The following FER1L6 variants were observed in gnomAD, a reference collection of about 807,000 sequenced individuals.
FER1L6 encodes fer-1-like protein 6.
A neutral mutation model predicts 219.2 loss-of-function variants in FER1L6; 177 were observed. The ratio of observed to expected loss-of-function variants is 0.81; its 90% CI spans 0.71 to 0.91. FER1L6 has a LOEUF of 0.91. Ranked by LOEUF, FER1L6 falls within the 40% of genes least tolerant of loss-of-function variation. FER1L6 has a pLI of 0.00. For missense variants in FER1L6, 2,153 were observed against 2,259.9 expected, an observed-to-expected ratio of 0.95 and a Z score of 0.96; for synonymous variants, 768 against 824.3, an observed-to-expected ratio of 0.93 and a Z score of 1.17.
intron 20 of FER1L6, among the ~76,000 whole-genome samples, chr8:124,044,755 T>C (rs1260574329): frequency 1.3e-5 from 2 of 152,222 alleles, no homozygotes; most frequent in Non-Finnish European, 2.9e-5. Context: ...CAGAGTCCAC[T>C]TGCCCCGCAA....
intron 1 of FER1L6, among the ~76,000 whole-genome samples, chr8:123,949,610 T>C (rs1041041471): frequency 4.6e-5 from 7 of 152,210 alleles, no homozygotes; most frequent in African/African-American, 7.2e-5. Context: ...AGAGTCCAGA[T>C]TGATTTTCAA....
Position 123,986,100 on chromosome 8 carries a change from C to T in FER1L6, c.1443C>T (p.Leu481=). The change falls in exon 12 of 41, where the codon CTC becomes CTT. Residue 481 remains leucine (L), a synonymous_variant. Coordinates refer to ENST00000522917, the MANE Select transcript of FER1L6 (RefSeq NM_001039112.2). ...IVPEKNEEFL[L]FGAFFEATMI... is the part of the protein sequence containing the mutation. Reference sequence around the variant, plus strand: ...CAGAAAAAAATGAGGAATTTTTACTCTTTGGAGCATTTTTTGAAGCTACCA... The same window carrying T: ...CAGAAAAAAATGAGGAATTTTTACTTTTTGGAGCATTTTTTGAAGCTACCA... 1 of 1,613,242 alleles carries T rather than the reference C, an allele frequency of 6.2e-7. No homozygotes were observed. The highest frequency in any genetic ancestry group is 8.5e-7 in the Non-Finnish European group (1 of 1,179,282).
intron 1 of FER1L6, among the ~76,000 whole-genome samples, chr8:123,938,753 G>A (rs895472589): frequency 1.3e-5 from 2 of 151,770 alleles, no homozygotes; most frequent in Non-Finnish European, 2.9e-5. Context: ...TTGCCCTTTT[G>A]CCCAGGCTGG....
At chr8:123,971,810 G>C (rs945530078) in intron 6 of FER1L6, among the ~76,000 whole-genome samples, 2 of 152,194 alleles carry the variant, frequency 1.3e-5, no homozygotes, top group African/African-American at 4.8e-5. Context: ...TGGTGCCAAA[G>C]ACAGTCTTCC....
chr8:124,107,583 A>AT lies in FER1L6; in HGVS notation c.5289+4280dup, dbSNP rs763527998. On this transcript the variant is annotated intron_variant, in intron 39 of 40. Transcript: ENST00000522917. ...TACCAGAGTAGTGGCAATTTCCATG[A>AT]TTTTTTACCTTCTCTCCATGCTGTC... 3.9e-5 allele frequency among the ~76,000 whole-genome samples: 6 copies of AT among 152,068 alleles called. No homozygotes were observed. The South Asian group carries it at 1.0e-3, about 26-fold the overall frequency.
intron 13 of FER1L6, among the ~76,000 whole-genome samples, chr8:124,004,629 A>G (rs1817575779): frequency 6.6e-6 from 1 of 151,952 alleles, no homozygotes; most frequent in Non-Finnish European, 1.5e-5. Context: ...GTCTTCACAG[A>G]CAACTTTTCT....
chr8:124,066,966 A>G lies in FER1L6; in HGVS notation c.3678+416A>G, dbSNP rs117113867. Reference sequence around the variant, plus strand: ...GCAGGATTCTAAGTTCACATGGGAAATTATCAAAGGCAGAGGTCTTGGCCT... The same window carrying G: ...GCAGGATTCTAAGTTCACATGGGAAGTTATCAAAGGCAGAGGTCTTGGCCT... On this transcript the variant is annotated intron_variant, in intron 27 of 40. Coordinates refer to ENST00000522917, the MANE Select transcript of FER1L6 (RefSeq NM_001039112.2). Among the ~76,000 whole-genome samples, 655 of 152,272 alleles carry G rather than the reference A, an allele frequency of 4.3e-3. 4 individuals carry two copies. The highest frequency in any genetic ancestry group is 7.1e-3 in the Non-Finnish European group (482 of 68,010).
intron 32 of FER1L6, among the ~76,000 whole-genome samples, chr8:124,081,811 C>T (rs916998577): frequency 7.2e-5 from 11 of 152,066 alleles, no homozygotes; most frequent in African/African-American, 1.2e-4. Context: ...ACCAGTTGAA[C>T]GCCTGAAAGT....
At chr8:124,008,121 A>T (rs1817752426) in intron 13 of FER1L6, among the ~76,000 whole-genome samples, 1 of 152,122 alleles carries the variant, frequency 6.6e-6, no homozygotes, top group Non-Finnish European at 1.5e-5. Context: ...GAGTCCCCAA[A>T]GTCCACTGTA....
At chr8:123,955,961 T>C (rs1490168283) in intron 1 of FER1L6, 31 bp from the exon 2 acceptor site, 63 of 1,577,190 alleles carry the variant, frequency 4.0e-5, no homozygotes, top group Non-Finnish European at 5.3e-5. Flanking sequence ...ACTCAAAGTT[T>C]TTATTGTTTC....
Position 124,035,482 on chromosome 8 carries a change from C to A in FER1L6, c.2464+28C>A. ...AGGGTCCCCACTGGGCAAAGAGGGT[C>A]ATTCGAGGTCTCAGGTGGGCTTCTG... On this transcript the variant is annotated intron_variant, in intron 19 of 40. Coordinates refer to ENST00000522917, the MANE Select transcript of FER1L6 (RefSeq NM_001039112.2). 3 of 1,588,070 alleles carry A rather than the reference C, an allele frequency of 1.9e-6. No individual in the cohort carries two copies. The South Asian group carries it at 3.4e-5, about 18-fold the overall frequency.
intron 39 of FER1L6, among the ~76,000 whole-genome samples, chr8:124,107,073 C>G (rs1822810056): frequency 6.6e-6 from 1 of 151,692 alleles, no homozygotes; most frequent in Admixed American, 6.6e-5. Flanking sequence ...CTCAGCCTCC[C>G]TAGTAGCTGG....
chr8:123,856,292 G>T (rs9772878), intron 1 of FER1L6, among the ~76,000 whole-genome samples: 1 of 67,480 alleles, frequency 1.5e-5, no homozygotes, highest in Non-Finnish European at 3.0e-5. Context: ...ATGTGTGTGT[G>T]TATATATATA....
rs1163781076 is a variant in FER1L6 at position 124,023,532 on chromosome 8, T to A, written c.2222T>A (p.Leu741His). 3.7e-6 allele frequency: 6 copies of A among 1,614,134 alleles called. No individual in the cohort carries two copies. Among genetic ancestry groups the A allele is most frequent in the Non-Finnish European group, 5.1e-6 (6 of 1,180,014 alleles). The change falls in exon 18 of 41, where the codon CTC becomes CAC. Residue 741 changes from leucine to histidine, a missense_variant. Physicochemically the swap from Leu to His is moderately conservative, Grantham distance 99 (BLOSUM62 -3). Transcript: ENST00000522917. ...GCCCGCATCGCCTCCAAAGACCTCC[T>A]CTATTCCCCTGTCGCGGGGCAGATG... Reference protein sequence around the residue: ...AYARIASKDLLYSPVAGQMGK... With the variant: ...AYARIASKDLHYSPVAGQMGK...
At chr8:124,088,637 T>G (rs769398763) in intron 33 of FER1L6, among the ~76,000 whole-genome samples, 5 of 151,988 alleles carry the variant, frequency 3.3e-5, no homozygotes, top group Non-Finnish European at 7.4e-5. Context: ...TGCTCTGAGT[T>G]TAACCCAAGG....
intron 13 of FER1L6, among the ~76,000 whole-genome samples, chr8:124,004,738 C>G (rs561536494): frequency 6.6e-6 from 1 of 152,106 alleles, no homozygotes; most frequent in Non-Finnish European, 1.5e-5. Context: ...GTGGCTCATG[C>G]GTGTAATCCC....
intron 1 of FER1L6, among the ~76,000 whole-genome samples, chr8:123,873,923 C>T (rs1438450943): frequency 6.6e-6 from 1 of 152,138 alleles, no homozygotes; most frequent in African/African-American, 2.4e-5. Context: ...CCTATAATAC[C>T]TTGGTCTGAT....
chr8:124,034,231 T>C (rs1238753594), intron 18 of FER1L6, among the ~76,000 whole-genome samples: 1 of 150,978 alleles, frequency 6.6e-6, no homozygotes, highest in Non-Finnish European at 1.5e-5. Context: ...AGAAGAAGAG[T>C]TGACAACATT....
intron 33 of FER1L6, among the ~76,000 whole-genome samples, chr8:124,083,921 G>T (rs2130919910): frequency 6.6e-6 from 1 of 152,172 alleles, no homozygotes; most frequent in South Asian, 2.1e-4. Flanking sequence ...TATGTCTGTG[G>T]TTTTTTGTAT....
Sources: allele counts gnomAD v4.1 joint callset (sites outside exome capture counted in the v4.1 genomes callset), GRCh38; gene constraint gnomAD v4.1.1; transcripts MANE v1.5; gene names NCBI Gene and HGNC (gene_info 2026-07-23, HGNC 2026-07-21).